The following PPARGC1A variants were observed in gnomAD, a reference collection of about 807,000 sequenced individuals.
PPARGC1A encodes the protein PPARG coactivator 1 alpha.
A neutral mutation model predicts 88.7 loss-of-function variants in PPARGC1A; 25 were observed. The observed-to-expected ratio is 0.28, with a 90% CI of 0.21 to 0.39. The LOEUF is 0.39. Ranked by LOEUF, PPARGC1A falls within the 10% of genes least tolerant of loss-of-function variation. PPARGC1A has a pLI of 1.00. For missense variants in PPARGC1A, 880 were observed against 968.7 expected (o/e 0.91, Z 1.22); for synonymous variants, 363 against 355.6 (o/e 1.02, Z -0.24).
intron 2 of PPARGC1A, among the ~76,000 whole-genome samples, chr4:23,857,000 T>C (rs1235233092): frequency 1.3e-5 from 2 of 152,204 alleles, no homozygotes; most frequent in Non-Finnish European, 2.9e-5. Context: ...AGTGCAAGCA[T>C]TGAACTATGT....
chr4:24,350,094 C>T, the PPARGC1A span, among the ~76,000 whole-genome samples: 3 of 152,190 alleles, frequency 2.0e-5, no homozygotes, highest in African/African-American at 4.8e-5. Context: ...GGGGTGTGTT[C>T]GGGAGAGGAG....
At chr4:24,222,816 C>G in the PPARGC1A span, among the ~76,000 whole-genome samples, 1 of 152,292 alleles carries the variant, frequency 6.6e-6, no homozygotes, top group Middle Eastern at 3.4e-3. Context: ...TAGTATTATA[C>G]TACTTTGTCA....
chr4:23,992,882 C>G, the PPARGC1A span, among the ~76,000 whole-genome samples: 9 of 151,954 alleles, frequency 5.9e-5, no homozygotes, highest in Non-Finnish European at 1.0e-4. Context: ...AGCACAGTCT[C>G]TATGTTCAAT....
At chr4:24,356,653 C>T in the PPARGC1A span, among the ~76,000 whole-genome samples, 1 of 152,180 alleles carries the variant, frequency 6.6e-6, no homozygotes, top group Non-Finnish European at 1.5e-5. Context: ...TGGGCCCTGT[C>T]CTTTGGAAGG....
the PPARGC1A span, among the ~76,000 whole-genome samples, chr4:24,280,378 G>GT: frequency 6.6e-6 from 1 of 152,174 alleles, no homozygotes; most frequent in African/African-American, 2.4e-5. Flanking sequence ...GGAGATCACA[G>GT]TTTTTGTTCT....
At chr4:23,895,972 GTGTGTGTGTATATA>G (rs746402718) in intron 1 of PPARGC1A, among the ~76,000 whole-genome samples, 1,511 of 54,408 alleles carry the variant, frequency 0.028, 19 homozygotes, top group African/African-American at 0.05. Context: ...GTGTGTGTGT[GTGTGTGTGTATATA>G]TATATACACA....
rs1215349944 is a variant in PPARGC1A at position 23,795,390 on chromosome 4, A to G, written c.*432T>C. ...CTAGGTTTTAAGCGTGTCTTCATGG[A>G]ACTGCTGCCATTTGAAATGGTTTGC... On this transcript the variant is annotated 3_prime_UTR_variant, in exon 13 of 13. Transcript: ENST00000264867. 1 of 151,296 alleles carries G rather than the reference A, an allele frequency of 6.6e-6. No homozygotes were observed. Among genetic ancestry groups the G allele is most frequent in the Non-Finnish European group, 1.5e-5 (1 of 68,302 alleles). The allele number at this position is 151,296 out of a possible 1,614,324, so 9.4% of individuals were successfully genotyped here.
chr4:24,005,867 G>C, the PPARGC1A span, among the ~76,000 whole-genome samples: 1 of 152,058 alleles, frequency 6.6e-6, no homozygotes, highest in African/African-American at 2.4e-5. Flanking sequence ...TACAGGGTCG[G>C]GGGCTCAGAT....
chr4:24,105,297 C>A, the PPARGC1A span, among the ~76,000 whole-genome samples: 1 of 152,158 alleles, frequency 6.6e-6, no homozygotes, highest in African/African-American at 2.4e-5. Flanking sequence ...AAATACACAA[C>A]CTTGAAAAAG....
intron 1 of PPARGC1A, among the ~76,000 whole-genome samples, chr4:23,886,923 G>A (rs1254743642): frequency 6.6e-6 from 1 of 150,992 alleles, no homozygotes; most frequent in Non-Finnish European, 1.5e-5. Context: ...TCAAGAAAAT[G>A]TAGGCTGTCT....
chr4:24,334,450 G>A, the PPARGC1A span, among the ~76,000 whole-genome samples: 3 of 152,228 alleles, frequency 2.0e-5, no homozygotes, highest in African/African-American at 7.2e-5. Flanking sequence ...TAAAAGGACA[G>A]TGGTGTCTAA....
chr4:24,365,468 C>G, the PPARGC1A span, among the ~76,000 whole-genome samples: 1 of 152,096 alleles, frequency 6.6e-6, no homozygotes, highest in African/African-American at 2.4e-5. Flanking sequence ...TTAAATCTAC[C>G]CAGCAATATA....
intron 2 of PPARGC1A, among the ~76,000 whole-genome samples, chr4:23,874,756 C>A (rs1307898705): frequency 6.6e-6 from 1 of 152,212 alleles, no homozygotes; most frequent in Non-Finnish European, 1.5e-5. Context: ...AGACCACAAA[C>A]CATCAAATCA....
chr4:24,370,011 G>A, the PPARGC1A span, among the ~76,000 whole-genome samples: 3 of 152,190 alleles, frequency 2.0e-5, no homozygotes, highest in Non-Finnish European at 4.4e-5. Flanking sequence ...TTGGCTTGGG[G>A]ATAATAAGCC....
the PPARGC1A span, among the ~76,000 whole-genome samples, chr4:24,185,683 T>C: frequency 6.6e-6 from 1 of 152,186 alleles, no homozygotes; most frequent in Non-Finnish European, 1.5e-5. Context: ...TATTACTTTC[T>C]TTCAGGGCTC....
chr4:24,218,914 A>G, the PPARGC1A span, among the ~76,000 whole-genome samples: 1 of 152,192 alleles, frequency 6.6e-6, no homozygotes, highest in African/African-American at 2.4e-5. Flanking sequence ...TTTGAGATTC[A>G]TGCCCCAATG....
At position 23,814,116 on chromosome 4, in the gene PPARGC1A, T is replaced by C; in HGVS notation, c.1367A>G (p.Gln456Arg). ...PCSTRKQLQD[Q>R]EIRAELNKHF... ...CTTGTTCAGCTCGGCTCGGATTTCCTGGTCTTGGAGCTGTTTTCTTGTGCT... is the reference window on the plus strand; with the variant it reads ...CTTGTTCAGCTCGGCTCGGATTTCCCGGTCTTGGAGCTGTTTTCTTGTGCT... Residue 456 changes from glutamine to arginine, a missense_variant, in exon 8 of 13, where the codon CAG (glutamine) becomes CGG (arginine). Transcript: ENST00000264867. 7 of 1,614,120 alleles carry C rather than the reference T, an allele frequency of 4.3e-6. No individual in the cohort carries two copies. The highest frequency in any genetic ancestry group is 1.7e-4 in the Middle Eastern group (1 of 6,056).
the PPARGC1A span, among the ~76,000 whole-genome samples, chr4:24,151,148 C>T: frequency 6.6e-6 from 1 of 152,160 alleles, no homozygotes; most frequent in Non-Finnish European, 1.5e-5. Flanking sequence ...TGACATTGCT[C>T]CCCTTTCACA....
the PPARGC1A span, among the ~76,000 whole-genome samples, chr4:24,320,549 T>C: frequency 2.0e-5 from 3 of 152,212 alleles, no homozygotes; most frequent in African/African-American, 7.2e-5. Context: ...ATTTCCTAAA[T>C]ATGTTTAAGC....
Sources: gnomAD v4.1 joint callset for allele counts (sites outside exome capture counted in the v4.1 genomes callset) on GRCh38, gnomAD v4.1.1 for gene constraint, MANE v1.5 for transcripts, NCBI Gene and HGNC (gene_info 2026-07-23, HGNC 2026-07-21) for gene names.